The following ZNF423 variants were observed in gnomAD, a reference collection of about 807,000 sequenced individuals.
ZNF423 encodes the protein Ebf-associated zinc finger protein.
ZNF423 carries 12 observed loss-of-function variants against 95.8 expected under a neutral mutation model. That is an observed-to-expected ratio of 0.13 (90% CI 0.08 to 0.20). The LOEUF is 0.20. ZNF423 is among the 10% of genes least tolerant of loss of function. The pLI is 1.00. For missense variants in ZNF423, 1,316 were observed against 1,737.1 expected, an observed-to-expected ratio of 0.76 and a Z score of 4.31; for synonymous variants, 749 against 711.9, an observed-to-expected ratio of 1.05 and a Z score of -0.83.
At chr16:49,705,753 G>C (rs1043149822) in intron 3 of ZNF423, among the ~76,000 whole-genome samples, 23 of 151,762 alleles carry the variant, frequency 1.5e-4, no homozygotes, top group Admixed American at 6.6e-4. Context: ...TCGCCATGTT[G>C]GCTGGGCTGG....
intron 3 of ZNF423, among the ~76,000 whole-genome samples, chr16:49,674,369 G>C (rs867926057): frequency 6.6e-6 from 1 of 152,176 alleles, no homozygotes; most frequent in Non-Finnish European, 1.5e-5. Context: ...TTCTCGGCTG[G>C]GGAGCAGTCC....
intron 1 of ZNF423, among the ~76,000 whole-genome samples, chr16:49,826,006 T>A (rs913495934): frequency 6.6e-6 from 1 of 151,866 alleles, no homozygotes; most frequent in Non-Finnish European, 1.5e-5. Context: ...ACCCCAGGAG[T>A]TCGAGACCAG....
chr16:49,854,561 C>T, intron 1 of ZNF423: 1 of 985,446 alleles, frequency 1.0e-6, no homozygotes, highest in Non-Finnish European at 1.2e-6. Flanking sequence ...GGGCTTTTGG[C>T]TCCGTAGACT....
chr16:49,691,948 C>CTTGT (rs942425907), intron 3 of ZNF423, among the ~76,000 whole-genome samples: 3 of 151,638 alleles, frequency 2.0e-5, no homozygotes, highest in Non-Finnish European at 4.4e-5. Context: ...TGTTTGTTTG[C>CTTGT]TTGTTTGTTT....
chr16:49,695,264 C>T (rs1181152237), intron 3 of ZNF423, among the ~76,000 whole-genome samples: 2 of 152,122 alleles, frequency 1.3e-5, no homozygotes, highest in Non-Finnish European at 2.9e-5. Context: ...TAGGTATGCA[C>T]CACCATACCT....
At chr16:49,772,531 C>A (rs1332774694) in intron 2 of ZNF423, among the ~76,000 whole-genome samples, 1 of 152,240 alleles carries the variant, frequency 6.6e-6, no homozygotes, top group Non-Finnish European at 1.5e-5. Flanking sequence ...GGCACAGGCT[C>A]ACCCCTGTTG....
chr16:49,564,410 A>G (rs1402847980), intron 5 of ZNF423, among the ~76,000 whole-genome samples: 1 of 152,164 alleles, frequency 6.6e-6, no homozygotes, highest in Non-Finnish European at 1.5e-5. Flanking sequence ...ATCTGTGACA[A>G]TGGGAAGGAA....
chr16:49,518,019 A>G, intron 7 of ZNF423: 1 of 451,724 alleles, frequency 2.2e-6, no homozygotes, highest in Non-Finnish European at 4.4e-6. Flanking sequence ...TCCATCATTA[A>G]CACTTCCTCC....
At chr16:49,517,944 A>T (rs547400179) in intron 7 of ZNF423, 9 of 453,870 alleles carry the variant, frequency 2.0e-5, no homozygotes, top group South Asian at 1.1e-4. Flanking sequence ...TCAAAAGACC[A>T]TTGTTTTTAG....
chr16:49,817,171 G>A (rs967360264), intron 1 of ZNF423, among the ~76,000 whole-genome samples: 5 of 152,200 alleles, frequency 3.3e-5, no homozygotes, highest in African/African-American at 7.2e-5. Flanking sequence ...GCTGGGGCAC[G>A]CCTGAGGCTC....
intron 3 of ZNF423, among the ~76,000 whole-genome samples, chr16:49,699,631 C>G (rs945029521): frequency 6.6e-6 from 1 of 152,220 alleles, no homozygotes; most frequent in Non-Finnish European, 1.5e-5. Context: ...GTGGTATCTT[C>G]ATTGTTTACT....
chr16:49,679,046 G>A (rs2031239705), intron 3 of ZNF423, among the ~76,000 whole-genome samples: 1 of 152,212 alleles, frequency 6.6e-6, no homozygotes, highest in Non-Finnish European at 1.5e-5. Flanking sequence ...GGGCTCAAGG[G>A]ATCCTCCCAT....
chr16:49,592,036 T>C (rs1971024828), intron 5 of ZNF423, among the ~76,000 whole-genome samples: 1 of 152,268 alleles, frequency 6.6e-6, no homozygotes, highest in Admixed American at 6.5e-5. Context: ...TTTCTGTATG[T>C]AATGCATCAA....
chr16:49,584,852 C>T (rs75252152), intron 5 of ZNF423, among the ~76,000 whole-genome samples: 2,731 of 152,246 alleles, frequency 0.018, 86 homozygotes, highest in African/African-American at 0.061. Context: ...CATATTGCTT[C>T]AATATGTAGA....
intron 7 of ZNF423, among the ~76,000 whole-genome samples, chr16:49,516,005 G>T (rs1450985450): frequency 2.0e-5 from 3 of 152,144 alleles, no homozygotes; most frequent in Non-Finnish European, 2.9e-5. Flanking sequence ...TGACATTTGC[G>T]GGCTGTCTTG....
intron 3 of ZNF423, among the ~76,000 whole-genome samples, chr16:49,656,791 T>C (rs548005970): frequency 5.8e-4 from 88 of 152,310 alleles, no homozygotes; most frequent in African/African-American, 2.0e-3. Context: ...TTATTTTTTG[T>C]CTCCAAGAAA....
chr16:49,672,709 G>A (rs564865961), intron 3 of ZNF423, among the ~76,000 whole-genome samples: 53 of 152,208 alleles, frequency 3.5e-4, no homozygotes, highest in African/African-American at 1.1e-3. Context: ...CCAGCTACTC[G>A]CGAGGCTGAG....
intron 5 of ZNF423, among the ~76,000 whole-genome samples, chr16:49,575,493 C>G (rs1970468730): frequency 6.6e-6 from 1 of 152,194 alleles, no homozygotes; most frequent in African/African-American, 2.4e-5. Context: ...AACACCCGGG[C>G]TGTGAGCTAA....
chr16:49,525,963 CTGGTGG>C (rs1295683245), intron 5 of ZNF423, among the ~76,000 whole-genome samples: 1 of 152,232 alleles, frequency 6.6e-6, no homozygotes, highest in East Asian at 1.9e-4. Flanking sequence ...TGCCCCCACT[CTGGTGG>C]TGGGGTAGAC....
Sources: gnomAD v4.1 joint callset for allele counts (sites outside exome capture counted in the v4.1 genomes callset) on GRCh38, gnomAD v4.1.1 for gene constraint, MANE v1.5 for transcripts, NCBI Gene and HGNC (gene_info 2026-07-23, HGNC 2026-07-21) for gene names.